The following AP5Z1 variants were observed in gnomAD, a reference collection of about 807,000 sequenced individuals.
AP5Z1 encodes AP-5 complex subunit zeta-1.
Under a neutral mutation model 83.0 loss-of-function variants are expected in AP5Z1, and 106 were observed. That is an observed-to-expected ratio of 1.28 (90% CI 1.09 to 1.50). The LOEUF (loss-of-function observed/expected upper bound fraction) is 1.50. Among genes scored for constraint, AP5Z1 ranks in the 40% most tolerant of loss-of-function variants. The pLI, the probability that AP5Z1 is intolerant of heterozygous loss-of-function variation, is 0.00. For missense variants in AP5Z1, 1,565 were observed against 1,094.2 expected (o/e 1.43, Z -6.07); for synonymous variants, 751 against 514.1 (o/e 1.46, Z -6.23).
chr7:4,791,460 G>C lies in AP5Z1; in HGVS notation c.*75G>C. 1 of 1,495,492 alleles carries C rather than the reference G, an allele frequency of 6.7e-7. No individual in the cohort carries two copies. The highest frequency in any genetic ancestry group is 9.0e-7 in the Non-Finnish European group (1 of 1,116,668). 92.6% of individuals were successfully genotyped at this position (1,495,492 alleles called of 1,614,324 possible). On this transcript the variant is annotated 3_prime_UTR_variant, in exon 17 of 17. Coordinates refer to ENST00000649063, the MANE Select transcript of AP5Z1 (RefSeq NM_014855.3). ...GCTTGCTACTGAGGCCAGGCTGATA[G>C]GAGCTCAGGAGGGCGCGGGAGTCCT...
chr7:4,788,778 C>A, intron 12 of AP5Z1, 62 bp from the exon 13 acceptor site: 1 of 1,413,930 alleles, frequency 7.1e-7, no homozygotes, highest in South Asian at 1.4e-5. Context: ...GGCGACGTGG[C>A]CCCGGCCTGC....
Position 4,790,889 on chromosome 7 carries a change from TGC to T in AP5Z1, c.2153+3_2153+4del. 1 of 1,598,122 alleles carries T rather than the reference TGC, an allele frequency of 6.3e-7. No individual in the cohort carries two copies. The highest frequency in any genetic ancestry group is 8.5e-7 in the Non-Finnish European group (1 of 1,173,314). ...CCGGAGCCAAGATCTGATCCCCAGG[TGC>T]CTGGTCAGGGAGGGAGCGAAGCCTT... On this transcript the variant is annotated splice_donor_region_variant and intron_variant, in intron 16 of 16. Transcript: ENST00000649063.
intron 12 of AP5Z1, 163 bp downstream of exon 12, chr7:4,788,457 C>A: frequency 1.1e-6 from 1 of 907,584 alleles, no homozygotes; most frequent in Non-Finnish European, 1.6e-6. Context: ...TGCTTCTGCA[C>A]CACGGGTCTG....
At chr7:4,782,220 T>C (rs567284603) in intron 3 of AP5Z1, among the ~76,000 whole-genome samples, 3 of 152,136 alleles carry the variant, frequency 2.0e-5, no homozygotes, top group South Asian at 4.2e-4. Context: ...ACCCAGTTAA[T>C]GTTTGTATTT....
intron 11 of AP5Z1, 82 bp downstream of exon 11, chr7:4,787,858 C>T (rs1005240509): frequency 4.2e-6 from 6 of 1,444,228 alleles, no homozygotes; most frequent in African/African-American, 2.8e-5. Context: ...CTGCTCCTGA[C>T]CCCTACACCG....
rs1781790179 is a variant in AP5Z1 at position 4,791,933 on chromosome 7, C to T, written c.*548C>T. ...GCCCGGAAGGCAGCGGCGCGAGTTC[C>T]CGGGTGTGGTCACCGCTCTGGGTGG... On this transcript the variant is annotated 3_prime_UTR_variant, in exon 17 of 17. Coordinates refer to ENST00000649063, the MANE Select transcript of AP5Z1 (RefSeq NM_014855.3). The T allele has an allele frequency of 1.3e-5, 2 of 153,770 alleles. No homozygotes were observed. Among genetic ancestry groups the T allele is most frequent in the Admixed American group, 6.5e-5 (1 of 15,484 alleles). The allele number at this position is 153,770 out of a possible 1,614,324, so 9.5% of individuals were successfully genotyped here. A position where few individuals can be genotyped will look rare whatever the true frequency, so the allele number is the denominator to read the frequency against.
chr7:4,778,848 A>ATATCATTATAT (rs1283077833), intron 1 of AP5Z1, among the ~76,000 whole-genome samples: 1 of 144,914 alleles, frequency 6.9e-6, no homozygotes, highest in Non-Finnish European at 1.5e-5. Flanking sequence ...TATAATATAT[A>ATATCATTATAT]ATGATATATA....
In AP5Z1 at chr7:4,785,601, T is replaced by C. The variant is rs761139488; in HGVS notation, c.1049T>C (p.Leu350Pro). 39 of 1,596,536 alleles carry C rather than the reference T, an allele frequency of 2.4e-5. No individual in the cohort carries two copies. The highest frequency in any genetic ancestry group is 3.1e-5 in the Non-Finnish European group (36 of 1,173,618). Reference protein sequence around the residue: ...PSFLYRSLSCLKALHGRVRGD... With the variant: ...PSFLYRSLSCPKALHGRVRGD... ...TTCCTGTACCGAAGTCTCTCCTGCC[T>C]GAAGGCCCTGCACGGGCGGGTGCGC... is the stretch of plus-strand genomic sequence containing the variant. The change falls in exon 9 of 17, where the codon CTG becomes CCG. Residue 350 changes from leucine (L) to proline (P), a missense_variant. Transcript: ENST00000649063.
chr7:4,784,579 G>C (rs1407267128), intron 6 of AP5Z1, among the ~76,000 whole-genome samples: 1 of 152,130 alleles, frequency 6.6e-6, no homozygotes, highest in African/African-American at 2.4e-5. Context: ...TCAGCACCGG[G>C]GATCCTCTGG....
rs1359472325 is a variant in AP5Z1 at position 4,788,880 on chromosome 7, TGTGCCCGCGTGGCCCAGTGTGCCCAGGCC to T, written c.1643_1671del (p.Arg548HisfsTer15). On this transcript the variant is annotated frameshift_variant, in exon 13 of 17. Transcript: ENST00000649063. LOFTEE classifies it high-confidence loss of function. Reference sequence around the variant, plus strand: ...CCAGCTGCTGCAGCCCATGGCCGGCTGTGCCCGCGTGGCCCAGTGTGCCCAGGCCGTGCCCACGCTGCTGCAGGCATTCT... The same window carrying T: ...CCAGCTGCTGCAGCCCATGGCCGGCTGTGCCCACGCTGCTGCAGGCATTCT... 6.2e-6 allele frequency: 10 copies of T among 1,610,208 alleles called. No individual in the cohort carries two copies. Among genetic ancestry groups the T allele is most frequent in the African/African-American group, 4.0e-5 (3 of 74,860 alleles).
intron 10 of AP5Z1, among the ~76,000 whole-genome samples, chr7:4,786,957 A>AGAT (rs1198277352): frequency 2.0e-5 from 3 of 151,842 alleles, no homozygotes; most frequent in South Asian, 4.2e-4. Context: ...TTTTTAGTAG[A>AGAT]GATGGGGTTT....
At chr7:4,777,627 G>A (rs1215998937) in intron 1 of AP5Z1, among the ~76,000 whole-genome samples, 2 of 152,108 alleles carry the variant, frequency 1.3e-5, no homozygotes, top group South Asian at 2.1e-4. Context: ...GACCTCAGGT[G>A]ATCCGCCTGA....
rs1410696045 is a variant in AP5Z1 at position 4,784,921 on chromosome 7, G to A, written c.804G>A (p.Glu268=). The A allele has an allele frequency of 6.2e-7, 1 of 1,611,716 alleles. No individual in the cohort carries two copies. Among genetic ancestry groups the A allele is most frequent in the Non-Finnish European group, 8.5e-7 (1 of 1,179,252 alleles). Residue 268 remains glutamate, a synonymous_variant, in exon 7 of 17, where the codon GAG becomes GAA. Coordinates refer to ENST00000649063, the MANE Select transcript of AP5Z1 (RefSeq NM_014855.3). ...PGTLDTDDRS[E]QEGSTLSVIS... ...CACCTCCCGCAGATGACAGGTCAGAGCAGGAGGGCTCCACTCTGTCGGTGA... is the reference window on the plus strand; with the variant it reads ...CACCTCCCGCAGATGACAGGTCAGAACAGGAGGGCTCCACTCTGTCGGTGA...
Position 4,789,849 on chromosome 7 carries a change from G to C in AP5Z1, c.1725G>C (p.Leu575=), listed in dbSNP as rs1781693058. 1.3e-6 allele frequency: 2 copies of C among 1,552,442 alleles called. No homozygotes were observed. Among genetic ancestry groups the C allele is most frequent in the Non-Finnish European group, 1.7e-6 (2 of 1,148,188 alleles). Reference sequence around the variant, plus strand: ...ACCCCCAGGTGGCTGACGGGTCCCTGATCAACCAGCTGGCGCTGCTGCTCC... The same window carrying C: ...ACCCCCAGGTGGCTGACGGGTCCCTCATCAACCAGCTGGCGCTGCTGCTCC... ...SAVTQVADGS[L]INQLALLLLG... Residue 575 remains leucine, a synonymous_variant, in exon 14 of 17, where the codon CTG becomes CTC. Coordinates refer to ENST00000649063, the MANE Select transcript of AP5Z1 (RefSeq NM_014855.3).
At chr7:4,782,040 C>G (rs1376875717) in intron 3 of AP5Z1, among the ~76,000 whole-genome samples, 2 of 152,098 alleles carry the variant, frequency 1.3e-5, no homozygotes, top group Non-Finnish European at 2.9e-5. Flanking sequence ...GCCTCCAGAC[C>G]TTCTTTTTGG....
intron 1 of AP5Z1, among the ~76,000 whole-genome samples, chr7:4,777,019 G>T (rs543845990): frequency 5.0e-4 from 76 of 152,274 alleles, no homozygotes; most frequent in African/African-American, 1.7e-3. Context: ...GGTCTTGAAG[G>T]CAGGTTAAGT....
chr7:4,781,173 A>C lies in AP5Z1; in HGVS notation c.42-2A>C, dbSNP rs1261407713. ...GGTCCTGAAGTCCTCTTCTTTGTTTAGGGAGATCCAGGACGAGGAGCTGAA... is the reference window on the plus strand; with the variant it reads ...GGTCCTGAAGTCCTCTTCTTTGTTTCGGGAGATCCAGGACGAGGAGCTGAA... On this transcript the variant is annotated splice_acceptor_variant, in intron 1 of 16. Coordinates refer to ENST00000649063, the MANE Select transcript of AP5Z1 (RefSeq NM_014855.3). LOFTEE classifies it high-confidence loss of function. The C allele has an allele frequency of 1.2e-5, 20 of 1,613,600 alleles. No homozygotes were observed. Among genetic ancestry groups the C allele is most frequent in the Non-Finnish European group, 1.7e-5 (20 of 1,179,748 alleles).
At chr7:4,776,395 G>A (rs1781226516) in intron 1 of AP5Z1, among the ~76,000 whole-genome samples, 1 of 151,936 alleles carries the variant, frequency 6.6e-6, no homozygotes, top group African/African-American at 2.4e-5. Context: ...CACCAAACAG[G>A]CAAAGACTTC....
Position 4,789,918 on chromosome 7 carries a change from C to CG in AP5Z1, c.1796dup (p.Val600CysfsTer163). ...TCTACCCGGCCCCAGGGTACGCTGC[C>CG]GGTGTGCACAGGTAGGTCCCTCCTG... On this transcript the variant is annotated frameshift_variant, in exon 14 of 17. Transcript: ENST00000649063. LOFTEE classifies it high-confidence loss of function. 1 of 1,545,798 alleles carries CG rather than the reference C, an allele frequency of 6.5e-7. No homozygotes were observed. Among genetic ancestry groups the CG allele is most frequent in the Non-Finnish European group, 8.7e-7 (1 of 1,144,504 alleles).
Sources: allele counts gnomAD v4.1 joint callset (sites outside exome capture counted in the v4.1 genomes callset), GRCh38; gene constraint gnomAD v4.1.1; transcripts MANE v1.5; gene names NCBI Gene and HGNC (gene_info 2026-07-23, HGNC 2026-07-21).